The following AKAP8L variants were observed in gnomAD, a reference collection of about 807,000 sequenced individuals.
The protein encoded by AKAP8L is A-kinase anchor protein 8-like.
AKAP8L carries 34 observed loss-of-function variants against 77.5 expected under a neutral mutation model. That is an observed-to-expected ratio of 0.44 (90% confidence interval 0.33 to 0.58). The LOEUF is 0.58. Among genes scored for constraint, AKAP8L ranks in the 20% least tolerant of loss-of-function variants. The pLI is 0.02. For synonymous variants in AKAP8L, 342 were observed against 340.7 expected (o/e 1.00, Z -0.04); for missense variants, 806 against 887.6 (o/e 0.91, Z 1.17).
intron 12 of AKAP8L, among the ~76,000 whole-genome samples, chr19:15,390,823 G>A (rs1338166108): frequency 6.6e-6 from 1 of 152,128 alleles, no homozygotes; most frequent in Non-Finnish European, 1.5e-5. Flanking sequence ...AAAGCCACAT[G>A]ATCACCTCAA....
In AKAP8L at chr19:15,410,571, T is replaced by C; in HGVS notation, c.37A>G (p.Thr13Ala). The change falls in exon 2 of 14, where the codon ACT becomes GCT. Residue 13 changes from threonine to alanine, a missense_variant. Physicochemically the swap from Thr to Ala is moderately conservative, Grantham distance 58 (BLOSUM62 0). This residue lies in a region of AKAP8L where 580 missense variants were observed against 694.1 expected (regional missense o/e 0.84). Transcript: ENST00000397410. ...YTGFVQGSET[T>A]LQSTYSDTSA... Reference sequence around the variant, plus strand: ...GTATCCGAGTATGTCGACTGCAAAGTGGTTTCAGATCCCTGGACAAAGCCT... The same window carrying C: ...GTATCCGAGTATGTCGACTGCAAAGCGGTTTCAGATCCCTGGACAAAGCCT... The C allele has an allele frequency of 6.3e-7, 1 of 1,593,958 alleles. No homozygotes were observed. Among genetic ancestry groups the C allele is most frequent in the Non-Finnish European group, 8.5e-7 (1 of 1,170,234 alleles).
intron 2 of AKAP8L, 101 bp downstream of exon 2, chr19:15,410,419 T>G (rs1164279704): frequency 9.7e-7 from 1 of 1,036,158 alleles, no homozygotes; most frequent in Non-Finnish European, 1.4e-6. Flanking sequence ...AAGTTTAGGT[T>G]TAAAAAAGCA....
chr19:15,406,362 G>GGAGAGAGAGAGAGAGAGAGAGAGAGA (rs3040938), intron 2 of AKAP8L, among the ~76,000 whole-genome samples: 25 of 89,358 alleles, frequency 2.8e-4, no homozygotes, highest in South Asian at 4.2e-4. Flanking sequence ...GAAATTTTAA[G>GGAGAGAGAGAGAGAGAGAGAGAGAGA]GAGAGAGAGA....
intron 2 of AKAP8L, among the ~76,000 whole-genome samples, chr19:15,406,362 GGAGAGAGAGAGAGAGA>G (rs3040938): frequency 7.8e-5 from 7 of 89,380 alleles, no homozygotes; most frequent in Admixed American, 5.7e-4. Flanking sequence ...GAAATTTTAA[GGAGAGAGAGAGAGAGA>G]GAGAGAGAGA....
chr19:15,394,431 C>G (rs1156722630), intron 12 of AKAP8L, among the ~76,000 whole-genome samples: 1 of 152,064 alleles, frequency 6.6e-6, no homozygotes, highest in Admixed American at 6.6e-5. Context: ...GTTGGGGGGG[C>G]TGATAGCTAA....
intron 12 of AKAP8L, among the ~76,000 whole-genome samples, chr19:15,395,359 G>C (rs1455461743): frequency 6.6e-6 from 1 of 151,176 alleles, no homozygotes; most frequent in African/African-American, 2.4e-5. Flanking sequence ...GAGTCTCGCA[G>C]ATTGCTCTGC....
chr19:15,411,429 C>A (rs1968102447), intron 1 of AKAP8L, among the ~76,000 whole-genome samples: 1 of 150,944 alleles, frequency 6.6e-6, no homozygotes, highest in Admixed American at 6.6e-5. Context: ...GCCAAGATGA[C>A]CAGCCTGGGC....
At chr19:15,389,860 A>G (rs375160081) in intron 12 of AKAP8L, among the ~76,000 whole-genome samples, 18 of 151,382 alleles carry the variant, frequency 1.2e-4, no homozygotes, top group African/African-American at 1.5e-4. Context: ...AGTCAAAGAC[A>G]GGGGAAAAAT....
chr19:15,384,861 T>C (rs1246204526), intron 12 of AKAP8L, among the ~76,000 whole-genome samples: 1 of 152,202 alleles, frequency 6.6e-6, no homozygotes, highest in Admixed American at 6.5e-5. Context: ...ATACCAATAA[T>C]ATTGCTAGAT....
intron 12 of AKAP8L, among the ~76,000 whole-genome samples, chr19:15,381,559 C>T (rs1299427062): frequency 1.3e-5 from 2 of 152,072 alleles, no homozygotes; most frequent in African/African-American, 4.8e-5. Context: ...GAGTCCTTCC[C>T]ACTCCATTTA....
chr19:15,394,444 G>A (rs1967727537), intron 12 of AKAP8L, among the ~76,000 whole-genome samples: 1 of 152,144 alleles, frequency 6.6e-6, no homozygotes, highest in Admixed American at 6.5e-5. Context: ...ATAGCTAAAG[G>A]GTTTCTTTTT....
rs1318022009 is a variant in AKAP8L at position 15,398,606 on chromosome 19, C to T, written c.1157+696G>A. 7.1e-6 allele frequency: 7 copies of T among 986,834 alleles called. No individual in the cohort carries two copies. Among genetic ancestry groups the T allele is most frequent in the Non-Finnish European group, 8.4e-6 (7 of 830,900 alleles). The allele number at this position is 986,834 out of a possible 1,614,324, so 61.1% of individuals were successfully genotyped here. ...AGGGGCGGAGGAGGCCAGCCGCCAC[C>T]GAGACCTCGGGGCGGGTCCCTACCT... On this transcript the variant is annotated intron_variant, in intron 9 of 13. Transcript: ENST00000397410. This position sits in a 1 kb window ranked among gnomAD's most constrained non-coding sequence, Gnocchi z 9.2.
chr19:15,405,427 G>C (rs1967977234), intron 2 of AKAP8L, among the ~76,000 whole-genome samples: 1 of 152,014 alleles, frequency 6.6e-6, no homozygotes, highest in Non-Finnish European at 1.5e-5. Context: ...CAGCTACTCA[G>C]GAGGCTGAGG....
intron 1 of AKAP8L, among the ~76,000 whole-genome samples, chr19:15,414,710 G>T (rs570894024): frequency 6.6e-6 from 1 of 151,248 alleles, no homozygotes; most frequent in African/African-American, 2.4e-5. Context: ...GGATGGTCTC[G>T]ATCTCCTGAC....
intron 12 of AKAP8L, among the ~76,000 whole-genome samples, chr19:15,389,616 A>G (rs897389363): frequency 6.6e-6 from 1 of 151,934 alleles, no homozygotes; most frequent in African/African-American, 2.4e-5. Flanking sequence ...ACTAAAATAC[A>G]AAAAATTAGC....
In AKAP8L at chr19:15,388,682, G is replaced by A. The variant is rs183465367; in HGVS notation, c.1537-8070C>T. On this transcript the variant is annotated intron_variant, in intron 12 of 13. Transcript: ENST00000397410. ...TGTAATCCCAGCACTTTGGGAGGCC[G>A]AGGCGGGCAGATCATGAGGTCAGGA... is the stretch of plus-strand genomic sequence containing the variant. Among the ~76,000 whole-genome samples the A allele has an allele frequency of 3.6e-3, 555 of 152,230 alleles. 5 individuals carry two copies. The highest frequency in any genetic ancestry group is 0.013 in the African/African-American group (531 of 41,548).
intron 7 of AKAP8L, chr19:15,400,591 G>A (rs1967872687): frequency 4.1e-6 from 3 of 739,656 alleles, no homozygotes; most frequent in Non-Finnish European, 6.6e-6. Context: ...CTGGTGCACA[G>A]GGGCTCATCC....
intron 12 of AKAP8L, among the ~76,000 whole-genome samples, chr19:15,387,134 G>A (rs1967555600): frequency 6.6e-6 from 1 of 152,218 alleles, no homozygotes; most frequent in South Asian, 2.1e-4. Context: ...CCCATGGCTT[G>A]TTCATAAAGC....
chr19:15,405,416 C>T (rs1967977086), intron 2 of AKAP8L, among the ~76,000 whole-genome samples: 1 of 150,972 alleles, frequency 6.6e-6, no homozygotes, highest in South Asian at 2.1e-4. Context: ...ACCTGTAGTC[C>T]CAGCTACTCA....
Sources: gnomAD v4.1 joint callset for allele counts (sites outside exome capture counted in the v4.1 genomes callset) on GRCh38, gnomAD v4.1.1 for gene constraint, gnomAD v4.1.1 regional missense constraint, Gnocchi (gnomAD v3.1) non-coding constraint, MANE v1.5 for transcripts, NCBI Gene and HGNC (gene_info 2026-07-23, HGNC 2026-07-21) for gene names.